The following FHIT variants were observed in gnomAD, a reference collection of about 807,000 sequenced individuals.
The protein encoded by FHIT is bis(5'-adenosyl)-triphosphatase.
Under a neutral mutation model 17.9 loss-of-function variants are expected in FHIT, and 19 were observed. The observed-to-expected ratio is 1.06, with a 90% CI of 0.74 to 1.56. FHIT has a LOEUF of 1.56. FHIT is among the 40% of genes most tolerant of loss of function. The pLI is 0.00. For synonymous variants in FHIT, 81 were observed against 69.7 expected, an observed-to-expected ratio of 1.16 and a Z score of -0.81; for missense variants, 248 against 189.2, an observed-to-expected ratio of 1.31 and a Z score of -1.82.
At chr3:60,741,634 C>T (rs909939321) in intron 4 of FHIT, among the ~76,000 whole-genome samples, 9 of 152,238 alleles carry the variant, frequency 5.9e-5, no homozygotes, top group African/African-American at 2.2e-4. Flanking sequence ...AGTCCAGTTT[C>T]GACTCTGTGA....
At chr3:61,125,934 G>T (rs1297175010) in intron 2 of FHIT, among the ~76,000 whole-genome samples, 1 of 152,208 alleles carries the variant, frequency 6.6e-6, no homozygotes, top group Non-Finnish European at 1.5e-5. Flanking sequence ...TGTGAAGTAG[G>T]TATTACCTAT....
Position 61,249,336 on chromosome 3 carries a change from C to CAT in FHIT, c.-213+1963_-213+1964dup, listed in dbSNP as rs768311653. 2.3e-4 allele frequency among the ~76,000 whole-genome samples: 35 copies of CAT among 152,218 alleles called. 1 individual carries two copies. Among genetic ancestry groups the CAT allele is most frequent in the Admixed American group, 2.2e-3 (34 of 15,290 alleles). Reference sequence around the variant, plus strand: ...AATAAAGGTATTCTAAAACTATATACATATATATATGGAATCTTTATTATA... The same window carrying CAT: ...AATAAAGGTATTCTAAAACTATATACATATATATATATGGAATCTTTATTATA... On this transcript the variant is annotated intron_variant, in intron 1 of 9. Transcript: ENST00000492590.
chr3:59,968,871 G>A (rs985482031), intron 7 of FHIT, among the ~76,000 whole-genome samples: 20 of 152,146 alleles, frequency 1.3e-4, no homozygotes, highest in African/African-American at 3.1e-4. Context: ...AGATTTCTGG[G>A]AGCCTTTCAG....
intron 5 of FHIT, among the ~76,000 whole-genome samples, chr3:60,408,813 T>C (rs1035539703): frequency 7.9e-5 from 12 of 152,272 alleles, no homozygotes; most frequent in Middle Eastern, 3.4e-3. Flanking sequence ...AAAGGAAAGA[T>C]CAATTACCAT....
At chr3:59,879,872 A>T (rs1352546440) in intron 8 of FHIT, among the ~76,000 whole-genome samples, 1 of 151,624 alleles carries the variant, frequency 6.6e-6, no homozygotes, top group Admixed American at 6.6e-5. Flanking sequence ...TTTGGGCCAC[A>T]TTATTTCTGA....
intron 1 of FHIT, among the ~76,000 whole-genome samples, chr3:61,237,384 T>C (rs569001245): frequency 1.1e-4 from 16 of 152,238 alleles, no homozygotes; most frequent in Non-Finnish European, 2.2e-4. Flanking sequence ...TGTTTTCTGA[T>C]TTATATTCCT....
intron 5 of FHIT, among the ~76,000 whole-genome samples, chr3:60,254,472 G>A (rs61697132): frequency 6.6e-6 from 1 of 152,040 alleles, no homozygotes; most frequent in African/African-American, 2.4e-5. Context: ...AGGAAAATCA[G>A]GCAAGTTTAA....
rs569908282 is a variant in FHIT, at chr3:60,286,658, T to A, written c.103+250202A>T. ...TCTACTATAGCAACCATAATGAAAA[T>A]GTTATTTAAAAATCAGACAAGAGCA... On this transcript the variant is annotated intron_variant, in intron 5 of 9. Coordinates refer to ENST00000492590, the MANE Select transcript of FHIT (RefSeq NM_002012.4). Among the ~76,000 whole-genome samples, 3 of 152,186 alleles carry A rather than the reference T, an allele frequency of 2.0e-5. No homozygotes were observed. In the South Asian group the frequency reaches 6.2e-4, roughly 32 times the overall value.
At chr3:60,442,953 C>G (rs2031022803) in intron 5 of FHIT, among the ~76,000 whole-genome samples, 1 of 152,132 alleles carries the variant, frequency 6.6e-6, no homozygotes, top group Non-Finnish European at 1.5e-5. Context: ...TTTCATTGAG[C>G]AGTGGTGTGT....
chr3:60,860,050 C>A (rs1410514501), intron 3 of FHIT, among the ~76,000 whole-genome samples: 8 of 71,180 alleles, frequency 1.1e-4, no homozygotes, highest in African/African-American at 6.0e-4. Flanking sequence ...CTCAAAAAAA[C>A]AAAAAGATAC....
At chr3:60,390,342 T>G (rs935478826) in intron 5 of FHIT, among the ~76,000 whole-genome samples, 1 of 144,970 alleles carries the variant, frequency 6.9e-6, no homozygotes, top group African/African-American at 2.6e-5. Context: ...GTATAACATT[T>G]CAATAATGAC....
chr3:59,950,989 A>T (rs941011316), intron 7 of FHIT, among the ~76,000 whole-genome samples: 5 of 152,218 alleles, frequency 3.3e-5, no homozygotes, highest in Admixed American at 2.6e-4. Context: ...TGGCATAGTA[A>T]CAACAATGGC....
chr3:61,158,080 A>G (rs923417516), intron 2 of FHIT, among the ~76,000 whole-genome samples: 2 of 152,214 alleles, frequency 1.3e-5, no homozygotes, highest in Non-Finnish European at 2.9e-5. Context: ...TGAGGTCCAC[A>G]TTATTTTAAA....
intron 4 of FHIT, among the ~76,000 whole-genome samples, chr3:60,678,199 G>A (rs553800036): frequency 1.3e-5 from 2 of 152,022 alleles, no homozygotes; most frequent in East Asian, 3.9e-4. Context: ...CAAACAGATA[G>A]AACTGCCTTG....
intron 4 of FHIT, among the ~76,000 whole-genome samples, chr3:60,782,178 A>G (rs1057175725): frequency 1.3e-5 from 2 of 151,618 alleles, no homozygotes; most frequent in Admixed American, 1.3e-4. Flanking sequence ...GTGGTCAAAA[A>G]TGGCAAAATT....
chr3:60,559,390 T>C (rs1001793803), intron 4 of FHIT, among the ~76,000 whole-genome samples: 1 of 152,224 alleles, frequency 6.6e-6, no homozygotes, highest in African/African-American at 2.4e-5. Context: ...AGCATGCATT[T>C]GCTGTGGCAC....
chr3:60,394,713 TTA>T (rs1219262821), intron 5 of FHIT, among the ~76,000 whole-genome samples: 1 of 152,128 alleles, frequency 6.6e-6, no homozygotes, highest in African/African-American at 2.4e-5. Context: ...TTGATACATA[TTA>T]TATATGTTTA....
intron 3 of FHIT, among the ~76,000 whole-genome samples, chr3:60,868,817 A>G (rs1553754419): frequency 1.3e-5 from 2 of 152,168 alleles, no homozygotes; most frequent in African/African-American, 4.8e-5. Context: ...CAGGACATGC[A>G]TGAAAATATC....
At chr3:60,126,849 C>A (rs1400085871) in intron 5 of FHIT, among the ~76,000 whole-genome samples, 2 of 152,116 alleles carry the variant, frequency 1.3e-5, no homozygotes, top group African/African-American at 4.8e-5. Flanking sequence ...CTGAAATGTG[C>A]CCTCTTATCA....
Sources: gnomAD v4.1 joint callset for allele counts (sites outside exome capture counted in the v4.1 genomes callset) on GRCh38, gnomAD v4.1.1 for gene constraint, MANE v1.5 for transcripts, NCBI Gene and HGNC (gene_info 2026-07-23, HGNC 2026-07-21) for gene names.